The following PDE8B variants were observed in gnomAD, a reference collection of about 807,000 sequenced individuals.
PDE8B encodes phosphodiesterase 8B.
Under a neutral mutation model 101.3 loss-of-function variants are expected in PDE8B, and 26 were observed. The ratio of observed to expected loss-of-function variants is 0.26; its 90% CI spans 0.19 to 0.36. The LOEUF (loss-of-function observed/expected upper bound fraction) is 0.36, where lower values mean the gene tolerates loss of function less well. Among genes scored for constraint, PDE8B ranks in the 10% least tolerant of loss-of-function variants. The pLI is 1.00. For missense variants in PDE8B, 810 were observed against 1,163.1 expected (o/e 0.70, Z 4.42); for synonymous variants, 424 against 429.3 (o/e 0.99, Z 0.15).
At chr5:77,176,614 C>A in the PDE8B span, among the ~76,000 whole-genome samples, 1 of 152,128 alleles carries the variant, frequency 6.6e-6, no homozygotes, top group Non-Finnish European at 1.5e-5. Context: ...CGGGCCCACA[C>A]TGAGCCTGTT....
Position 77,265,007 on chromosome 5 carries a change from G to A in PDE8B, c.340-46987G>A, listed in dbSNP as rs1580673565. ...GAGCTGCTTGTGCAGGGTACTAGATGTTCAGGTTTTACAAATATTTGCCAT... is the reference window on the plus strand; with the variant it reads ...GAGCTGCTTGTGCAGGGTACTAGATATTCAGGTTTTACAAATATTTGCCAT... On this transcript the variant is annotated intron_variant, in intron 1 of 21. Coordinates refer to ENST00000264917, the MANE Select transcript of PDE8B (RefSeq NM_003719.5). Among the ~76,000 whole-genome samples, 6 of 152,290 alleles carry A rather than the reference G, an allele frequency of 3.9e-5. No individual in the cohort carries two copies. In the South Asian group the frequency reaches 1.0e-3, roughly 26 times the overall value.
chr5:77,260,407 A>G (rs1019995958), intron 1 of PDE8B, among the ~76,000 whole-genome samples: 7 of 152,156 alleles, frequency 4.6e-5, no homozygotes, highest in African/African-American at 1.4e-4. Flanking sequence ...GTGACATTTA[A>G]AAATTAGCTA....
chr5:77,307,216 C>T (rs1771419837), intron 1 of PDE8B, among the ~76,000 whole-genome samples: 1 of 152,118 alleles, frequency 6.6e-6, no homozygotes, highest in Non-Finnish European at 1.5e-5. Flanking sequence ...TGCCTCCATG[C>T]CTGTGCCTGT....
rs770785549 is a variant in PDE8B, at chr5:77,413,193, G to T, written c.1795G>T (p.Ala599Ser). Residue 599 changes from alanine (A) to serine (S), a missense_variant, in exon 17 of 22, where the codon GCC becomes TCC. By Grantham distance (99) the Ala-to-Ser change is moderately conservative. Transcript: ENST00000264917. ...FLNCSETTLR[A>S]WFQVIEANYH... is the part of the protein sequence containing the mutation. Reference sequence around the variant, plus strand: ...AAACTGTTCTGAAACCACTCTTCGGGCCTGGTTCCAAGTGATCGAAGCCAA... The same window carrying T: ...AAACTGTTCTGAAACCACTCTTCGGTCCTGGTTCCAAGTGATCGAAGCCAA... 1.2e-6 allele frequency: 2 copies of T among 1,613,848 alleles called. No homozygotes were observed. Among genetic ancestry groups the T allele is most frequent in the Admixed American group, 1.7e-5 (1 of 59,994 alleles).
chr5:77,290,704 C>T (rs115697165), intron 1 of PDE8B: 659 of 1,503,720 alleles, frequency 4.4e-4, no homozygotes, highest in Admixed American at 6.8e-4. Context: ...TCTGAAAGAC[C>T]TGGCCATGCA....
intron 1 of PDE8B, among the ~76,000 whole-genome samples, chr5:77,278,767 C>T (rs1764360943): frequency 1.3e-5 from 2 of 152,052 alleles, no homozygotes; most frequent in South Asian, 4.2e-4. Context: ...AGAGAGATAC[C>T]TTTTTTCAAG....
intron 10 of PDE8B, among the ~76,000 whole-genome samples, chr5:77,377,224 G>C (rs1358912159): frequency 6.6e-6 from 1 of 152,162 alleles, no homozygotes; most frequent in African/African-American, 2.4e-5. Context: ...CAATATAAAT[G>C]TCATTGAATC....
At chr5:77,304,468 T>A (rs1770715504) in intron 1 of PDE8B, among the ~76,000 whole-genome samples, 1 of 152,208 alleles carries the variant, frequency 6.6e-6, no homozygotes, top group South Asian at 2.1e-4. Flanking sequence ...TCTCTCCAGC[T>A]CTGGGCCTTT....
chr5:77,210,847 T>A lies in PDE8B; in HGVS notation c.-79T>A. ...TCCGGGCGCCGCCGCGGCCGCCCCC[T>A]CACTGCAGGTGGCAGCGGGTGCGCT... On this transcript the variant is annotated 5_prime_UTR_variant, in exon 1 of 22. Transcript: ENST00000264917. This position sits in a 1 kb window ranked among gnomAD's most constrained non-coding sequence, Gnocchi z 4.9. 9.3e-7 allele frequency: 1 copy of A among 1,076,726 alleles called. No homozygotes were observed. The highest frequency in any genetic ancestry group is 1.1e-6 in the Non-Finnish European group (1 of 891,556). 66.7% of individuals were successfully genotyped at this position (1,076,726 alleles called of 1,614,324 possible).
At chr5:77,278,673 G>A (rs948302282) in intron 1 of PDE8B, among the ~76,000 whole-genome samples, 4 of 152,064 alleles carry the variant, frequency 2.6e-5, no homozygotes, top group African/African-American at 9.7e-5. Flanking sequence ...GTTTCACTGT[G>A]TTAGCCAGGA....
chr5:77,415,632 TAC>T (rs1298571394), intron 17 of PDE8B, among the ~76,000 whole-genome samples: 1 of 152,136 alleles, frequency 6.6e-6, no homozygotes, highest in Non-Finnish European at 1.5e-5. Flanking sequence ...CTGCTGGGAT[TAC>T]AGGTGTGAGC....
At chr5:77,237,986 A>G (rs1755031392) in intron 1 of PDE8B, among the ~76,000 whole-genome samples, 1 of 152,034 alleles carries the variant, frequency 6.6e-6, no homozygotes. Context: ...CCCCCTGTAA[A>G]TAGTGTACCA....
chr5:77,241,034 G>GA, intron 1 of PDE8B, among the ~76,000 whole-genome samples: 1 of 152,344 alleles, frequency 6.6e-6, no homozygotes, highest in African/African-American at 2.4e-5. Context: ...GAGAAAAAGT[G>GA]AGACAGTTGC....
At chr5:77,415,948 GA>G (rs371065755) in intron 17 of PDE8B, among the ~76,000 whole-genome samples, 33 of 152,210 alleles carry the variant, frequency 2.2e-4, no homozygotes, top group African/African-American at 7.5e-4. Context: ...GTTAAAGAGG[GA>G]AAAAACTATG....
rs537299796 is a variant in PDE8B at position 77,266,716 on chromosome 5, C to T, written c.340-45278C>T. ...AGCAATGATTCAATATTTATGAATT[C>T]AGTGTTTGGGGTGACTTGATAAAAC... On this transcript the variant is annotated intron_variant, in intron 1 of 21. Coordinates refer to ENST00000264917, the MANE Select transcript of PDE8B (RefSeq NM_003719.5). Among the ~76,000 whole-genome samples, 13 of 152,276 alleles carry T rather than the reference C, an allele frequency of 8.5e-5. No homozygotes were observed. In the East Asian group the frequency reaches 2.5e-3, roughly 29 times the overall value.
chr5:77,256,126 C>T (rs1348361256), intron 1 of PDE8B, among the ~76,000 whole-genome samples: 1 of 152,146 alleles, frequency 6.6e-6, no homozygotes, highest in Non-Finnish European at 1.5e-5. Context: ...TTTTATCAAA[C>T]TTTTTTCCAA....
the PDE8B span, among the ~76,000 whole-genome samples, chr5:77,123,623 G>A: frequency 6.6e-6 from 1 of 152,052 alleles, no homozygotes; most frequent in Non-Finnish European, 1.5e-5. Context: ...GCTGGGTGTG[G>A]TGGTGCACAC....
chr5:77,391,311 TGGCACTGCTCTC>T (rs1330124931), intron 10 of PDE8B, among the ~76,000 whole-genome samples: 1 of 152,192 alleles, frequency 6.6e-6, no homozygotes, highest in Non-Finnish European at 1.5e-5. Context: ...GAAGGTCTGC[TGGCACTGCTCTC>T]GGCACAGAGC....
At chr5:77,176,267 GT>G in the PDE8B span, among the ~76,000 whole-genome samples, 57 of 152,214 alleles carry the variant, frequency 3.7e-4, no homozygotes, top group Non-Finnish European at 6.3e-4. Flanking sequence ...GGTGAAGTTG[GT>G]TTTGTTGCCC....
Sources: gnomAD v4.1 joint callset for allele counts (sites outside exome capture counted in the v4.1 genomes callset) on GRCh38, gnomAD v4.1.1 for gene constraint, Gnocchi (gnomAD v3.1) non-coding constraint, MANE v1.5 for transcripts, NCBI Gene and HGNC (gene_info 2026-07-23, HGNC 2026-07-21) for gene names.